Variants in PDK4 observed in about 807,000 individuals in gnomAD.
PDK4 encodes the protein pyruvate dehydrogenase kinase, isozyme 4.
In PDK4, 43 loss-of-function variants were observed where a neutral mutation model predicts 51.7. The observed-to-expected ratio is 0.83, with a 90% CI of 0.65 to 1.07. The LOEUF is 1.07. Among genes scored for constraint, PDK4 ranks in the 50% least tolerant of loss-of-function variants. PDK4 has a pLI of 0.00. For synonymous variants in PDK4, 170 were observed against 176.6 expected (o/e 0.96, Z 0.30); for missense variants, 498 against 503.5 (o/e 0.99, Z 0.10).
Position 95,585,616 on chromosome 7 carries a change from C to G in PDK4, c.*25G>C. On this transcript the variant is annotated 3_prime_UTR_variant, in exon 11 of 11. Transcript: ENST00000005178. Reference sequence around the variant, plus strand: ...CACTGGTGTAGACCCACTTTGATCCCGTAAAGTGTCCTGAGTGTCCCTCTT... The same window carrying G: ...CACTGGTGTAGACCCACTTTGATCCGGTAAAGTGTCCTGAGTGTCCCTCTT... 6.3e-7 allele frequency: 1 copy of G among 1,588,410 alleles called. No individual in the cohort carries two copies. The highest frequency in any genetic ancestry group is 8.6e-7 in the Non-Finnish European group (1 of 1,161,964).
intron 6 of PDK4, among the ~76,000 whole-genome samples, chr7:95,589,938 GT>G (rs957013612): frequency 3.0e-4 from 44 of 147,502 alleles, no homozygotes; most frequent in Non-Finnish European, 5.4e-4. Flanking sequence ...TTTGTTAATT[GT>G]TTTTTTTTTG....
Position 95,595,062 on chromosome 7 carries a change from T to C in PDK4, c.233A>G (p.Gln78Arg). The change falls in exon 2 of 11, where the codon CAA becomes CGA. Residue 78 changes from glutamine to arginine, a missense_variant. Gln to Arg is a conservative substitution (Grantham distance 43, BLOSUM62 1). Transcript: ENST00000005178. Reference sequence around the variant, plus strand: ...TTGCACTGAAGAGGTATTTACTAATTGGGTCGGGAGGATATCAATTTCCTT... The same window carrying C: ...TTGCACTGAAGAGGTATTTACTAATCGGGTCGGGAGGATATCAATTTCCTT... ...ILKEIDILPTQLVNTSSVQLV... is the reference protein window; with the variant it reads ...ILKEIDILPTRLVNTSSVQLV... 1.2e-6 allele frequency: 2 copies of C among 1,612,482 alleles called. No homozygotes were observed. The highest frequency in any genetic ancestry group is 3.3e-5 in the Admixed American group (2 of 59,976).
rs746666891 is a variant in PDK4 at position 95,592,006 on chromosome 7, T to G, written c.676A>C (p.Lys226Gln). The G allele has an allele frequency of 6.5e-7, 1 of 1,547,202 alleles. No individual in the cohort carries two copies. Among genetic ancestry groups the G allele is most frequent in the Non-Finnish European group, 8.8e-7 (1 of 1,131,612 alleles). The change falls in exon 6 of 11, where the codon AAG becomes CAG. Residue 226 changes from lysine to glutamine, a missense_variant. By Grantham distance (53) the Lys-to-Gln change is moderately conservative. Transcript: ENST00000005178. The part of the protein sequence containing the change: ...DQYYLSSPEL[K>Q]LTQVNGKFPD... ...AACTTACCATTCACTTGTGTAAGCTTTAATTCTGGAGATGATAAATAATAC... is the reference window on the plus strand; with the variant it reads ...AACTTACCATTCACTTGTGTAAGCTGTAATTCTGGAGATGATAAATAATAC...
At chr7:95,587,648 A>T in intron 8 of PDK4, 79 bp downstream of exon 8, 1 of 1,212,244 alleles carries the variant, frequency 8.2e-7, no homozygotes, top group Non-Finnish European at 1.2e-6. Flanking sequence ...ATCTATTGCA[A>T]AAAGCAGACA....
chr7:95,586,938 C>A (rs1157172542), intron 10 of PDK4, 72 bp downstream of exon 10: 1 of 830,660 alleles, frequency 1.2e-6, no homozygotes, highest in Admixed American at 1.9e-5. Context: ...TCACTCCAGA[C>A]CATAGCACTC....
chr7:95,594,825 G>C (rs1791595977), intron 2 of PDK4, 198 bp downstream of exon 2: 3 of 363,518 alleles, frequency 8.3e-6, no homozygotes, highest in Non-Finnish European at 1.5e-5. Flanking sequence ...TACTTTTTCA[G>C]GGTAAAAATG....
intron 5 of PDK4, 140 bp from the exon 6 acceptor site, chr7:95,592,205 T>C: frequency 2.2e-6 from 1 of 446,126 alleles, no homozygotes; most frequent in Non-Finnish European, 4.0e-6. Flanking sequence ...TATATTTTAA[T>C]ATTTTATTGA....
rs1203419548 is a variant in PDK4 at position 95,584,813 on chromosome 7, T to C, written c.*828A>G. 1 of 152,588 alleles carries C rather than the reference T, an allele frequency of 6.6e-6. No individual in the cohort carries two copies. The highest frequency in any genetic ancestry group is 1.5e-5 in the Non-Finnish European group (1 of 68,044). The allele number at this position is 152,588 out of a possible 1,614,324, so 9.5% of individuals were successfully genotyped here. On this transcript the variant is annotated 3_prime_UTR_variant, in exon 11 of 11. Coordinates refer to ENST00000005178, the MANE Select transcript of PDK4 (RefSeq NM_002612.4). ...TAATTTATTTATAAACAAAGCAAAG[T>C]AAGAGATATTTTTGCTGTTACTTTG...
At chr7:95,586,875 G>A in intron 10 of PDK4, 135 bp downstream of exon 10, 4 of 578,166 alleles carry the variant, frequency 6.9e-6, no homozygotes, top group Admixed American at 6.0e-5. Context: ...CCCAGAAAGA[G>A]AAGAGAATGA....
At chr7:95,587,157 G>T in intron 9 of PDK4, 34 bp from the exon 10 acceptor site, 1 of 1,232,912 alleles carries the variant, frequency 8.1e-7, no homozygotes, top group Non-Finnish European at 1.2e-6. Context: ...GTAAAGAAGT[G>T]TATGTGATCA....
chr7:95,587,881 TG>T (rs1441181501), intron 7 of PDK4, 56 bp from the exon 8 acceptor site: 17 of 1,106,622 alleles, frequency 1.5e-5, no homozygotes, highest in East Asian at 2.4e-5. Context: ...GGACAATAAA[TG>T]TTTTTTTTTT....
In PDK4 at chr7:95,587,044, G is replaced by C; in HGVS notation, c.1061C>G (p.Ser354Ter). The C allele has an allele frequency of 6.2e-7, 1 of 1,607,760 alleles. No individual in the cohort carries two copies. The highest frequency in any genetic ancestry group is 8.5e-7 in the Non-Finnish European group (1 of 1,174,416). Residue 354 changes from serine to a stop codon, truncating the protein, a stop_gained, in exon 10 of 11, where the codon TCA (serine) becomes TGA (stop). Coordinates refer to ENST00000005178, the MANE Select transcript of PDK4 (RefSeq NM_002612.4). LOFTEE classifies it high-confidence loss of function. ...FQGDLNLYSL[S>*]GYGTDAIIYL... ...GATGATAGCATCTGTTCCATATCCT[G>C]ATAAAGAGTAGAGATTCAGATCTCC... is the stretch of plus-strand genomic sequence containing the variant.
In PDK4 at chr7:95,587,003, G is replaced by T. The variant is rs1481323352; in HGVS notation, c.1095+7C>A. 2.1e-6 allele frequency: 3 copies of T among 1,454,488 alleles called. No homozygotes were observed. In the Admixed American group the frequency reaches 5.0e-5, roughly 24 times the overall value. The allele number at this position is 1,454,488 out of a possible 1,614,324, so 90.1% of individuals were successfully genotyped here. A position where few individuals can be genotyped will look rare whatever the true frequency, so the allele number is the denominator to read the frequency against. ...AACAGGATTTTGCTATTGAATTCAAGGGATACCTTTAAGTAGATGATAGCA... is the reference window on the plus strand; with the variant it reads ...AACAGGATTTTGCTATTGAATTCAATGGATACCTTTAAGTAGATGATAGCA... On this transcript the variant is annotated splice_region_variant and intron_variant, in intron 10 of 10. Transcript: ENST00000005178.
intron 7 of PDK4, among the ~76,000 whole-genome samples, chr7:95,588,119 G>A (rs954673667): frequency 6.6e-6 from 1 of 152,010 alleles, no homozygotes; most frequent in Non-Finnish European, 1.5e-5. Context: ...TGTAGAAATT[G>A]GTTTTTATAG....
chr7:95,594,745 G>T (rs751585920), intron 2 of PDK4: 15 of 217,582 alleles, frequency 6.9e-5, no homozygotes, highest in Non-Finnish European at 1.2e-4. Context: ...TTCTATAATT[G>T]AAAATTAAAA....
chr7:95,587,369 A>T (rs767890251), intron 9 of PDK4, 49 bp downstream of exon 9: 1 of 1,111,366 alleles, frequency 9.0e-7, no homozygotes, highest in South Asian at 1.2e-5. Context: ...CTTGCTCTAC[A>T]TTTAGAACTA....
intron 2 of PDK4, among the ~76,000 whole-genome samples, chr7:95,594,002 G>A (rs777341925): frequency 6.6e-6 from 1 of 151,948 alleles, no homozygotes; most frequent in Non-Finnish European, 1.5e-5. Context: ...ACTATTTCAG[G>A]TCAGTATTCA....
rs1334156287 is a variant in PDK4, at chr7:95,589,754, T to G, written c.695-38A>C. On this transcript the variant is annotated intron_variant, in intron 6 of 10. Transcript: ENST00000005178. ...AATTCATTAAGAATTTGTAAACAAA[T>G]ACTTCACTAAAATAAACCACCACAT... 2.7e-6 allele frequency: 3 copies of G among 1,095,282 alleles called. No homozygotes were observed. The Admixed American group carries it at 5.2e-5, about 19-fold the overall frequency. 67.8% of individuals were successfully genotyped at this position (1,095,282 alleles called of 1,614,324 possible). A position where few individuals can be genotyped will look rare whatever the true frequency, so the allele number is the denominator to read the frequency against.
chr7:95,595,562 A>AG (rs2116721414), intron 1 of PDK4, among the ~76,000 whole-genome samples: 1 of 152,292 alleles, frequency 6.6e-6, no homozygotes, highest in Admixed American at 6.5e-5. Flanking sequence ...AAGAGGCTGG[A>AG]GGGGGAGCTG....
Sources: gnomAD v4.1 joint callset for allele counts (sites outside exome capture counted in the v4.1 genomes callset) on GRCh38, gnomAD v4.1.1 for gene constraint, MANE v1.5 for transcripts, NCBI Gene and HGNC (gene_info 2026-07-23, HGNC 2026-07-21) for gene names.